NDST3: variants seen among roughly 807,000 people sequenced by gnomAD.
NDST3 encodes the protein bifunctional heparan sulfate N-deacetylase/N-sulfotransferase 3.
NDST3 carries 58 observed loss-of-function variants against 96.1 expected under a neutral mutation model. The ratio of observed to expected loss-of-function variants is 0.60; its 90% CI spans 0.49 to 0.75. NDST3 has a LOEUF of 0.75. Among genes scored for constraint, NDST3 ranks in the 30% least tolerant of loss-of-function variants. The probability of loss-of-function intolerance (pLI) is 0.00; values close to 1 mark genes in which losing one functional copy is unlikely to be tolerated. For synonymous variants in NDST3, 333 were observed against 359.7 expected, an observed-to-expected ratio of 0.93 and a Z score of 0.84; for missense variants, 788 against 1,034.2, an observed-to-expected ratio of 0.76 and a Z score of 3.27.
At chr4:118,238,978 G>A (rs1023892323) in intron 10 of NDST3, among the ~76,000 whole-genome samples, 11 of 152,222 alleles carry the variant, frequency 7.2e-5, no homozygotes, top group Admixed American at 6.5e-4. Context: ...CATCAGGTCA[G>A]TGCTGAAAAG....
chr4:118,185,115 C>T (rs28421577), intron 6 of NDST3, among the ~76,000 whole-genome samples: 1,823 of 152,144 alleles, frequency 0.012, 33 homozygotes, highest in African/African-American at 0.042. Context: ...TTAATAACAT[C>T]AAAGAATGTT....
At chr4:118,116,841 CA>C (rs1348560598) in intron 4 of NDST3, among the ~76,000 whole-genome samples, 1 of 150,680 alleles carries the variant, frequency 6.6e-6, no homozygotes, top group Admixed American at 6.6e-5. Flanking sequence ...CTGGGCGACA[CA>C]GCCAGACTCC....
rs983023457 is a variant in NDST3, at chr4:118,104,387, C to T, written c.982-631C>T. Reference sequence around the variant, plus strand: ...AAAGAAAAAAGAAGAAAGAAAAGTACATTAAATACTCAGCATGGTAAATAT... The same window carrying T: ...AAAGAAAAAAGAAGAAAGAAAAGTATATTAAATACTCAGCATGGTAAATAT... On this transcript the variant is annotated intron_variant, in intron 2 of 13. Coordinates refer to ENST00000296499, the MANE Select transcript of NDST3 (RefSeq NM_004784.3). 5.9e-5 allele frequency among the ~76,000 whole-genome samples: 9 copies of T among 152,162 alleles called. No homozygotes were observed. In the South Asian group the frequency reaches 1.9e-3, roughly 32 times the overall value.
At position 118,255,782 on chromosome 4, in the gene NDST3, C is replaced by G. The variant is rs1742084276; in HGVS notation, c.*70C>G. On this transcript the variant is annotated 3_prime_UTR_variant, in exon 14 of 14. Transcript: ENST00000296499. ...CTTTTCCAAAGCTTCCAGAAGCTAC[C>G]AAAAGGCAGTTGAAAAATATACCTC... 6.3e-6 allele frequency: 9 copies of G among 1,439,254 alleles called. No individual in the cohort carries two copies. The highest frequency in any genetic ancestry group is 8.3e-6 in the Non-Finnish European group (9 of 1,080,504). 89.2% of individuals were successfully genotyped at this position (1,439,254 alleles called of 1,614,324 possible).
intron 12 of NDST3, among the ~76,000 whole-genome samples, chr4:118,247,690 T>C (rs945697864): frequency 3.9e-5 from 6 of 152,186 alleles, no homozygotes; most frequent in African/African-American, 1.4e-4. Context: ...GTGGTGATAA[T>C]TGTACAACTA....
intron 7 of NDST3, among the ~76,000 whole-genome samples, chr4:118,225,650 C>T (rs1307900811): frequency 6.6e-6 from 1 of 152,160 alleles, no homozygotes; most frequent in Non-Finnish European, 1.5e-5. Flanking sequence ...CAATAACAAT[C>T]ATCAGAAGTA....
chr4:118,082,361 G>A (rs1011515262), intron 2 of NDST3, among the ~76,000 whole-genome samples: 2 of 152,170 alleles, frequency 1.3e-5, no homozygotes, highest in African/African-American at 4.8e-5. Flanking sequence ...AGATCAAAGA[G>A]AAAAGGACTT....
chr4:118,035,645 T>G (rs779376056), intron 1 of NDST3, among the ~76,000 whole-genome samples: 16 of 151,992 alleles, frequency 1.1e-4, no homozygotes, highest in Non-Finnish European at 2.1e-4. Flanking sequence ...TGAAGGAGGC[T>G]CCTTTTTAAA....
intron 2 of NDST3, among the ~76,000 whole-genome samples, chr4:118,082,264 C>CA (rs1299045163): frequency 3.3e-5 from 5 of 152,176 alleles, no homozygotes; most frequent in African/African-American, 1.2e-4. Context: ...TTGTCAAGAG[C>CA]AGTGAAGAGT....
At position 118,079,829 on chromosome 4, in the gene NDST3, G is replaced by A. The variant is rs532813146; in HGVS notation, c.981+24938G>A. Among the ~76,000 whole-genome samples the A allele has an allele frequency of 1.6e-4, 25 of 152,274 alleles. 2 individuals carry two copies. The South Asian group carries it at 5.2e-3, about 32-fold the overall frequency. On this transcript the variant is annotated intron_variant, in intron 2 of 13. Coordinates refer to ENST00000296499, the MANE Select transcript of NDST3 (RefSeq NM_004784.3). The stretch of plus-strand genomic sequence containing the variant: ...AAGTGATAGCGGTGGTAATAAAGAT[G>A]GTGAGAAGTTAACGGGCTTGAGACA...
rs547131993 is a variant in NDST3, at chr4:118,161,477, G to T, written c.1539+17793G>T. On this transcript the variant is annotated intron_variant, in intron 6 of 13. Transcript: ENST00000296499. ...TTGTCTGTGCCCTGCCCCCAGAGGTGGAGTCTACAGAGGCAAGCAGGCCTC... is the reference window on the plus strand; with the variant it reads ...TTGTCTGTGCCCTGCCCCCAGAGGTTGAGTCTACAGAGGCAAGCAGGCCTC... Among the ~76,000 whole-genome samples, 458 of 152,300 alleles carry T rather than the reference G, an allele frequency of 3.0e-3. 1 individual carries two copies. The highest frequency in any genetic ancestry group is 0.011 in the African/African-American group (447 of 41,568).
At chr4:118,164,456 T>C (rs1735409630) in intron 6 of NDST3, among the ~76,000 whole-genome samples, 1 of 150,910 alleles carries the variant, frequency 6.6e-6, no homozygotes, top group South Asian at 2.1e-4. Flanking sequence ...TGAGAGTACC[T>C]ATATAAGAAA....
At chr4:118,202,566 T>C (rs1034220834) in intron 6 of NDST3, among the ~76,000 whole-genome samples, 4 of 152,222 alleles carry the variant, frequency 2.6e-5, no homozygotes, top group Admixed American at 2.0e-4. Flanking sequence ...TATTTCATTT[T>C]CTTTTGGCTA....
chr4:118,074,266 A>C (rs952060526), intron 2 of NDST3, among the ~76,000 whole-genome samples: 1 of 152,158 alleles, frequency 6.6e-6, no homozygotes, highest in East Asian at 1.9e-4. Context: ...TTGGGTGGAA[A>C]GTTCTGTAGA....
At chr4:118,045,170 T>G (rs2110432065) in intron 1 of NDST3, among the ~76,000 whole-genome samples, 1 of 152,306 alleles carries the variant, frequency 6.6e-6, no homozygotes, top group South Asian at 2.1e-4. Flanking sequence ...AATATTGTGC[T>G]CATTCCTGCC....
chr4:118,123,433 A>G (rs1446018673), intron 4 of NDST3, among the ~76,000 whole-genome samples: 2 of 152,174 alleles, frequency 1.3e-5, no homozygotes, highest in Non-Finnish European at 2.9e-5. Flanking sequence ...AGGTCCACAT[A>G]AACTTCAAAC....
intron 1 of NDST3, among the ~76,000 whole-genome samples, chr4:118,041,860 T>A (rs1382559022): frequency 6.6e-6 from 1 of 152,230 alleles, no homozygotes; most frequent in African/African-American, 2.4e-5. Flanking sequence ...ATGAGCCCTA[T>A]GCCCTTGGAA....
chr4:118,174,227 C>T (rs1216644646), intron 6 of NDST3, among the ~76,000 whole-genome samples: 2 of 152,126 alleles, frequency 1.3e-5, no homozygotes, highest in Admixed American at 6.6e-5. Flanking sequence ...GAGACAGTCT[C>T]AGAGAGCTCA....
At chr4:118,248,557 A>C (rs576627540) in intron 12 of NDST3, among the ~76,000 whole-genome samples, 1 of 152,336 alleles carries the variant, frequency 6.6e-6, no homozygotes, top group Non-Finnish European at 1.5e-5. Context: ...TGGAGACACA[A>C]TGATGAACAA....
Sources: allele counts gnomAD v4.1 joint callset (sites outside exome capture counted in the v4.1 genomes callset), GRCh38; gene constraint gnomAD v4.1.1; transcripts MANE v1.5; gene names NCBI Gene and HGNC (gene_info 2026-07-23, HGNC 2026-07-21).